Variants in RELN observed in about 807,000 individuals in gnomAD.
RELN encodes the protein reelin.
Under a neutral mutation model 427.6 loss-of-function variants are expected in RELN, and 108 were observed. That is an observed-to-expected ratio of 0.25 (90% confidence interval 0.22 to 0.30). The LOEUF (loss-of-function observed/expected upper bound fraction) is 0.30, where lower values mean the gene tolerates loss of function less well. RELN is among the 10% of genes least tolerant of loss of function. The pLI is 1.00. For synonymous variants in RELN, 1,524 were observed against 1,513.4 expected (o/e 1.01, Z -0.16); for missense variants, 3,715 against 4,302.8 (o/e 0.86, Z 3.82).
In RELN at chr7:103,518,347, TTTA is replaced by T. The variant is rs1446401169; in HGVS notation, c.7862+973_7862+975del. Among the ~76,000 whole-genome samples, 27 of 45,584 alleles carry T rather than the reference TTTA, an allele frequency of 5.9e-4. 1 individual carries two copies. The highest frequency in any genetic ancestry group is 1.5e-3 in the African/African-American group (6 of 3,958). 29.9% of individuals were successfully genotyped at this position (45,584 alleles called of 152,430 possible). A position where few individuals can be genotyped will look rare whatever the true frequency, so the allele number is the denominator to read the frequency against. The stretch of plus-strand genomic sequence containing the variant: ...GTTTCCTTTTTTTTTTTTTTTTTTT[TTTA>T]AAGATGCGGTCTTACTCTGTCACCC... On this transcript the variant is annotated intron_variant, in intron 49 of 64. Transcript: ENST00000428762.
chr7:103,771,570 T>C (rs984666160), intron 4 of RELN, among the ~76,000 whole-genome samples: 1 of 152,182 alleles, frequency 6.6e-6, no homozygotes, highest in East Asian at 1.9e-4. Flanking sequence ...AGAGCCAACA[T>C]GTGGTAGTGC....
At chr7:103,490,878 A>T in intron 58 of RELN, 49 bp from the exon 59 acceptor site, 2 of 1,585,648 alleles carry the variant, frequency 1.3e-6, no homozygotes, top group Non-Finnish European at 1.7e-6. Context: ...AGAAACATAT[A>T]ATCTGTTAAT....
chr7:103,646,726 C>A (rs1008169089), intron 16 of RELN, among the ~76,000 whole-genome samples: 4 of 151,936 alleles, frequency 2.6e-5, no homozygotes, highest in African/African-American at 9.7e-5. Context: ...CCTGCTAAAA[C>A]TGTTCCAAAA....
chr7:103,566,674 C>A lies in RELN; in HGVS notation c.4674G>T (p.Gln1558His). 6.2e-7 allele frequency: 1 copy of A among 1,614,142 alleles called. No individual in the cohort carries two copies. Among genetic ancestry groups the A allele is most frequent in the Non-Finnish European group, 8.5e-7 (1 of 1,180,014 alleles). ...CCTGTGGCAGGTCAATGGAAATGAT[C>A]TGTGGTTCCAGGAAGGACATGAAGT... Reference protein sequence around the residue: ...ELDFMSFLEPQIISIDLPQDA... With the variant: ...ELDFMSFLEPHIISIDLPQDA... Residue 1558 changes from glutamine (Q) to histidine (H), a missense_variant, in exon 32 of 65, where the codon CAG becomes CAT. Gln to His is a conservative substitution (Grantham distance 24, BLOSUM62 0). This residue lies in a region of RELN where 2,208 missense variants were observed against 2,361.7 expected (regional missense o/e 0.93). Transcript: ENST00000428762.
Position 103,635,518 on chromosome 7 carries a change from G to A in RELN, c.2372C>T (p.Pro791Leu). The change falls in exon 19 of 65, where the codon CCT (proline) becomes CTT (leucine). Residue 791 changes from proline to leucine, a missense_variant. Transcript: ENST00000428762. ...VLSTCRAPDQ[P>L]GEGVLLHYSY... ...ATAATGCAACAAAACTCCTTCACCA[G>A]GCTGATCAGGGGCTCTGCACGTGCT... is the stretch of plus-strand genomic sequence containing the variant. 1 of 1,613,892 alleles carries A rather than the reference G, an allele frequency of 6.2e-7. No homozygotes were observed. The highest frequency in any genetic ancestry group is 8.5e-7 in the Non-Finnish European group (1 of 1,179,826).
At position 103,713,423 on chromosome 7, in the gene RELN, C is replaced by A. The variant is rs186445191; in HGVS notation, c.805+9717G>T. On this transcript the variant is annotated intron_variant, in intron 8 of 64. Coordinates refer to ENST00000428762, the MANE Select transcript of RELN (RefSeq NM_005045.4). ...CTTTTCTAGATAGATTAATGGAGAACAGGACCATTAACTTGAGGTTGCAGT... is the reference window on the plus strand; with the variant it reads ...CTTTTCTAGATAGATTAATGGAGAAAAGGACCATTAACTTGAGGTTGCAGT... 4.9e-3 allele frequency among the ~76,000 whole-genome samples: 742 copies of A among 152,254 alleles called. 4 individuals carry two copies. Among genetic ancestry groups the A allele is most frequent in the Middle Eastern group, 0.01 (3 of 294 alleles).
At chr7:103,716,205 C>G (rs1789935292) in intron 8 of RELN, among the ~76,000 whole-genome samples, 1 of 152,188 alleles carries the variant, frequency 6.6e-6, no homozygotes, top group African/African-American at 2.4e-5. Context: ...TGAAGTCCTC[C>G]CTCCAGCCCT....
At position 103,651,916 on chromosome 7, in the gene RELN, C is replaced by T. The variant is rs1832924863; in HGVS notation, c.1764-127G>A. On this transcript the variant is annotated intron_variant, in intron 14 of 64. Coordinates refer to ENST00000428762, the MANE Select transcript of RELN (RefSeq NM_005045.4). ...AACAGTGTAAAATTTTTTAAAGATG[C>T]TGTTTCCTAAATGATTGTTTTCTCT... is the stretch of plus-strand genomic sequence containing the variant. The T allele has an allele frequency of 3.1e-6, 3 of 963,680 alleles. No homozygotes were observed. In the South Asian group the frequency reaches 4.4e-5, roughly 14 times the overall value. 59.7% of individuals were successfully genotyped at this position (963,680 alleles called of 1,614,324 possible). A position where few individuals can be genotyped will look rare whatever the true frequency, so the allele number is the denominator to read the frequency against.
intron 3 of RELN, among the ~76,000 whole-genome samples, chr7:103,807,484 A>G (rs1404559905): frequency 1.3e-5 from 2 of 152,160 alleles, no homozygotes; most frequent in African/African-American, 4.8e-5. Context: ...GTTTAGGTTC[A>G]GGGTATACAT....
chr7:103,502,281 T>C (rs1158110041), intron 52 of RELN, among the ~76,000 whole-genome samples: 11 of 152,198 alleles, frequency 7.2e-5, no homozygotes, highest in Non-Finnish European at 1.2e-4. Context: ...ATAATAATAA[T>C]ATCTATGGGA....
chr7:103,868,790 C>G (rs1248399184), intron 2 of RELN, among the ~76,000 whole-genome samples: 2 of 151,994 alleles, frequency 1.3e-5, no homozygotes. Flanking sequence ...CTGAAACATG[C>G]CTTTTATACT....
intron 3 of RELN, among the ~76,000 whole-genome samples, chr7:103,792,081 T>C (rs1584496004): frequency 6.6e-6 from 1 of 152,140 alleles, no homozygotes; most frequent in African/African-American, 2.4e-5. Flanking sequence ...TTGACAAGGA[T>C]GTGGAGAAAC....
chr7:103,790,915 C>T (rs1037636086), intron 3 of RELN, among the ~76,000 whole-genome samples: 12 of 151,906 alleles, frequency 7.9e-5, no homozygotes, highest in African/African-American at 2.7e-4. Flanking sequence ...TGTGCCAGAT[C>T]GCGCCACTGC....
At chr7:103,789,271 C>G (rs1435406279) in intron 3 of RELN, among the ~76,000 whole-genome samples, 1 of 152,026 alleles carries the variant, frequency 6.6e-6, no homozygotes, top group Non-Finnish European at 1.5e-5. Context: ...ATTCAGGACA[C>G]AGGCATGGGC....
At chr7:103,574,338 G>C (rs1413145445) in intron 29 of RELN, 39 bp from the exon 30 acceptor site, 9 of 1,566,230 alleles carry the variant, frequency 5.7e-6, no homozygotes, top group Middle Eastern at 3.7e-4. Context: ...TGCTTTGTTG[G>C]AATCATTCAA....
intron 3 of RELN, among the ~76,000 whole-genome samples, chr7:103,804,097 T>A (rs1216916450): frequency 6.6e-6 from 1 of 152,140 alleles, no homozygotes; most frequent in Admixed American, 6.6e-5. Context: ...CATTTCCTCA[T>A]CTTGCAGAGG....
At position 103,550,955 on chromosome 7, in the gene RELN, G is replaced by A. The variant is rs963858006; in HGVS notation, c.6302+112C>T. ...ATCCACTGATCTGCTTGAGAACAGA[G>A]GAAGAAACGTCAGGTGGAAATTTCC... On this transcript the variant is annotated intron_variant, in intron 41 of 64. Coordinates refer to ENST00000428762, the MANE Select transcript of RELN (RefSeq NM_005045.4). The A allele has an allele frequency of 3.6e-6, 3 of 842,600 alleles. No homozygotes were observed. The African/African-American group carries it at 5.0e-5, about 14-fold the overall frequency. 52.2% of individuals were successfully genotyped at this position (842,600 alleles called of 1,614,324 possible). A position where few individuals can be genotyped will look rare whatever the true frequency, so the allele number is the denominator to read the frequency against.
At position 103,767,986 on chromosome 7, in the gene RELN, C is replaced by T. The variant is rs79131922; in HGVS notation, c.544+8571G>A. ...CTTGCCACCTTCTAACATGGTACCACGTTTAGTCATTTCTGATGCCTCATG... is the reference window on the plus strand; with the variant it reads ...CTTGCCACCTTCTAACATGGTACCATGTTTAGTCATTTCTGATGCCTCATG... On this transcript the variant is annotated intron_variant, in intron 4 of 64. Coordinates refer to ENST00000428762, the MANE Select transcript of RELN (RefSeq NM_005045.4). 7.6e-3 allele frequency among the ~76,000 whole-genome samples: 1,159 copies of T among 152,230 alleles called. 12 individuals carry two copies. The highest frequency in any genetic ancestry group is 0.026 in the African/African-American group (1,073 of 41,540).
At chr7:103,663,576 C>A (rs1019414790) in intron 11 of RELN, among the ~76,000 whole-genome samples, 2 of 152,200 alleles carry the variant, frequency 1.3e-5, no homozygotes, top group Non-Finnish European at 2.9e-5. Flanking sequence ...CCCGACCACA[C>A]GTCAGGCAGG....
Sources: gnomAD v4.1 joint callset for allele counts (sites outside exome capture counted in the v4.1 genomes callset) on GRCh38, gnomAD v4.1.1 for gene constraint, gnomAD v4.1.1 regional missense constraint, MANE v1.5 for transcripts, NCBI Gene and HGNC (gene_info 2026-07-23, HGNC 2026-07-21) for gene names.